The following TNN variants were observed in gnomAD, a reference collection of about 807,000 sequenced individuals.
TNN encodes the protein tenascin-N.
In TNN, 122 loss-of-function variants were observed where a neutral mutation model predicts 134.4. That is an observed-to-expected ratio of 0.91 (90% confidence interval 0.78 to 1.06). TNN has a LOEUF of 1.06. Ranked by LOEUF, TNN falls within the 50% of genes least tolerant of loss-of-function variation. The pLI is 0.00. For missense variants in TNN, 1,739 were observed against 1,699.4 expected, an observed-to-expected ratio of 1.02 and a Z score of -0.41; for synonymous variants, 710 against 670.3, an observed-to-expected ratio of 1.06 and a Z score of -0.91.
rs770260571 is a variant in TNN at position 175,135,882 on chromosome 1, T to G, written c.3368T>G (p.Phe1123Cys). 3 of 1,613,832 alleles carry G rather than the reference T, an allele frequency of 1.9e-6. No homozygotes were observed. The highest frequency in any genetic ancestry group is 1.3e-5 in the African/African-American group (1 of 74,886). Residue 1123 changes from phenylalanine (F) to cysteine (C), a missense_variant, in exon 16 of 19, where the codon TTC becomes TGC. Coordinates refer to ENST00000239462, the MANE Select transcript of TNN (RefSeq NM_022093.2). ...CGGAACACTGGGCAGCTGGATTTCT[T>G]CAAGCGATGGAGGAGCTATGTGGAA... ...QRRNTGQLDF[F>C]KRWRSYVEGF...
rs146254269 is a variant in TNN, at chr1:175,097,437, C to A, written c.1609C>A (p.Leu537Met). 48 of 1,614,106 alleles carry A rather than the reference C, an allele frequency of 3.0e-5. No individual in the cohort carries two copies. The African/African-American group carries it at 5.7e-4, about 19-fold the overall frequency. The change falls in exon 8 of 19, where the codon CTG (leucine) becomes ATG (methionine). Residue 537 changes from leucine (L) to methionine (M), a missense_variant. Physicochemically the swap from Leu to Met is conservative, Grantham distance 15 (BLOSUM62 2). Transcript: ENST00000239462. ...TAAAGAAATTGACAGCCCAGCAAACCTGGTGACTGACCGGGTGACTGAGAA... is the reference window on the plus strand; with the variant it reads ...TAAAGAAATTGACAGCCCAGCAAACATGGTGACTGACCGGGTGACTGAGAA... ...ALTEIDSPAN[L>M]VTDRVTENTA...
chr1:175,079,659 G>A lies in TNN; in HGVS notation c.736G>A (p.Gly246Ser). Residue 246 changes from glycine (G) to serine (S), a missense_variant, in exon 3 of 19, where the codon GGC becomes AGC. By Grantham distance (56) the Gly-to-Ser change is moderately conservative. Transcript: ENST00000239462. ...CAGCGGCCACGGCTTCTGTGACACG[G>A]GCGAGTGCTACTGCGAGGAGGGCTT... is the stretch of plus-strand genomic sequence containing the variant. ...DCSGHGFCDT[G>S]ECYCEEGFTG... 1 of 1,609,560 alleles carries A rather than the reference G, an allele frequency of 6.2e-7. No individual in the cohort carries two copies. The highest frequency in any genetic ancestry group is 1.1e-5 in the South Asian group (1 of 90,600).
At position 175,077,487 on chromosome 1, in the gene TNN, GGCCCCA is replaced by G; in HGVS notation, c.73_78del (p.Pro25_Ala26del). 1 of 1,613,628 alleles carries G rather than the reference GGCCCCA, an allele frequency of 6.2e-7. No individual in the cohort carries two copies. The highest frequency in any genetic ancestry group is 8.5e-7 in the Non-Finnish European group (1 of 1,180,002). ...TTGGCTCTGTGCTCCTGGTGGCTTC[GGCCCCA>G]GCCACTCTGGAGCCTCCCGGCTGCA... On this transcript the variant is annotated inframe_deletion, in exon 2 of 19. Coordinates refer to ENST00000239462, the MANE Select transcript of TNN (RefSeq NM_022093.2).
chr1:175,068,219 C>T (rs760052522), intron 1 of TNN, among the ~76,000 whole-genome samples: 1 of 152,252 alleles, frequency 6.6e-6, no homozygotes, highest in Middle Eastern at 3.4e-3. Flanking sequence ...CAGCTTCTAC[C>T]TGGCGTAACA....
At position 175,085,612 on chromosome 1, in the gene TNN, C is replaced by T. The variant is rs569479109; in HGVS notation, c.1324+118C>T. 2.4e-5 allele frequency: 18 copies of T among 743,260 alleles called. No homozygotes were observed. In the Middle Eastern group the frequency reaches 7.0e-4, roughly 29 times the overall value. The allele number at this position is 743,260 out of a possible 1,614,324, so 46.0% of individuals were successfully genotyped here. A position where few individuals can be genotyped will look rare whatever the true frequency, so the allele number is the denominator to read the frequency against. ...ATTTGCAGACAGACGGGGTGGCTCA[C>T]GCCTGTAATCCCAGCACTTTGGGAG... On this transcript the variant is annotated intron_variant, in intron 6 of 18. Transcript: ENST00000239462.
intron 6 of TNN, 93 bp from the exon 7 acceptor site, chr1:175,093,897 A>G: frequency 2.9e-6 from 4 of 1,365,666 alleles, no homozygotes; most frequent in Non-Finnish European, 4.0e-6. Context: ...CTATTGAACT[A>G]GGTCACCCAG....
At chr1:175,096,570 G>A (rs974819380) in intron 7 of TNN, among the ~76,000 whole-genome samples, 1 of 152,202 alleles carries the variant, frequency 6.6e-6, no homozygotes, top group African/African-American at 2.4e-5. Flanking sequence ...GTTTCTAAAA[G>A]AGGATAATAA....
At chr1:175,102,284 C>T (rs1674743241) in intron 9 of TNN, among the ~76,000 whole-genome samples, 1 of 146,392 alleles carries the variant, frequency 6.8e-6, no homozygotes, top group African/African-American at 2.5e-5. Context: ...GTCTGCCAGT[C>T]CCGCGCCATG....
chr1:175,137,680 G>A (rs1675848746), intron 17 of TNN, among the ~76,000 whole-genome samples: 1 of 152,096 alleles, frequency 6.6e-6, no homozygotes, highest in South Asian at 2.1e-4. Context: ...GGGGAGGTGT[G>A]GTCATTGTTT....
chr1:175,118,718 C>A lies in TNN; in HGVS notation c.2544C>A (p.Ser848Arg). 6.2e-7 allele frequency: 1 copy of A among 1,614,212 alleles called. No homozygotes were observed. Among genetic ancestry groups the A allele is most frequent in the Non-Finnish European group, 8.5e-7 (1 of 1,180,044 alleles). ...AGGTTCCAGTGGGGAAGGAGCAGAGCAGCACTGTCCTGACGGGCCTGAGGC... is the reference window on the plus strand; with the variant it reads ...AGGTTCCAGTGGGGAAGGAGCAGAGAAGCACTGTCCTGACGGGCCTGAGGC... ...TREVPVGKEQ[S>R]STVLTGLRPG... Residue 848 changes from serine (S) to arginine (R), a missense_variant, in exon 11 of 19, where the codon AGC becomes AGA. Transcript: ENST00000239462.
In TNN at chr1:175,147,070, G is replaced by C; in HGVS notation, c.3899G>C (p.Ter1300SerextTer4). Residue 1300 changes from the stop codon to serine (S), a stop_lost, in exon 19 of 19, where the codon TGA becomes TCA. Coordinates refer to ENST00000239462, the MANE Select transcript of TNN (RefSeq NM_022093.2). ...CTGAGAGGAAGGCTGCGAACGTTCT[G>C]ATGGCCCGTGTGAGCAGTCCTCGCA... ...RTLRGRLRTF[*>S] 6.4e-7 allele frequency: 1 copy of C among 1,574,246 alleles called. No individual in the cohort carries two copies. Among genetic ancestry groups the C allele is most frequent in the South Asian group, 1.2e-5 (1 of 86,306 alleles).
At chr1:175,116,381 CA>C (rs1312788984) in intron 9 of TNN, among the ~76,000 whole-genome samples, 1 of 152,154 alleles carries the variant, frequency 6.6e-6, no homozygotes, top group African/African-American at 2.4e-5. Context: ...TCTTGGTTTA[CA>C]GAGCTACTCA....
chr1:175,123,818 T>A (rs945145744), intron 12 of TNN, among the ~76,000 whole-genome samples, 155 bp downstream of exon 12: 1 of 151,376 alleles, frequency 6.6e-6, no homozygotes, highest in Admixed American at 6.6e-5. Context: ...GCTAATTAAG[T>A]TGACACAACA....
chr1:175,089,918 CT>C (rs1324240161), intron 6 of TNN, among the ~76,000 whole-genome samples: 1 of 152,156 alleles, frequency 6.6e-6, no homozygotes, highest in African/African-American at 2.4e-5. Flanking sequence ...TTGGAAACTC[CT>C]TCATGTCCTA....
rs1674072998 is a variant in TNN at position 175,077,517 on chromosome 1, C to T, written c.99C>T (p.Cys33=). 6.2e-7 allele frequency: 1 copy of T among 1,614,086 alleles called. No homozygotes were observed. The highest frequency in any genetic ancestry group is 2.2e-5 in the East Asian group (1 of 44,876). The change falls in exon 2 of 19, where the codon TGC becomes TGT. Residue 33 remains cysteine (C), a synonymous_variant. Transcript: ENST00000239462. ...SAPATLEPPG[C]SNKEQQVTVS... is the part of the protein sequence containing the mutation. ...CAGCCACTCTGGAGCCTCCCGGCTGCAGCAACAAGGAGCAACAGGTCACTG... is the reference window on the plus strand; with the variant it reads ...CAGCCACTCTGGAGCCTCCCGGCTGTAGCAACAAGGAGCAACAGGTCACTG...
chr1:175,072,381 T>A (rs1305112189), intron 1 of TNN, among the ~76,000 whole-genome samples: 1 of 152,212 alleles, frequency 6.6e-6, no homozygotes, highest in Non-Finnish European at 1.5e-5. Flanking sequence ...GTAAATGCCC[T>A]TCGCTTCATG....
At chr1:175,143,519 G>GTGTGTGTA (rs1491455701) in intron 17 of TNN, among the ~76,000 whole-genome samples, 1 of 1,038 alleles carries the variant, frequency 9.6e-4, no homozygotes, top group East Asian at 0.05. Context: ...TTGTGTGTAG[G>GTGTGTGTA]TGTGTGTGTG....
At chr1:175,135,977 G>GAGAAATCACCCCCCACA in intron 16 of TNN, 36 bp downstream of exon 16, 1 of 1,495,622 alleles carries the variant, frequency 6.7e-7, no homozygotes, top group Non-Finnish European at 9.3e-7. Context: ...GGGGCTGTGG[G>GAGAAATCACCCCCCACA]GGGTGATTTC....
intron 15 of TNN, among the ~76,000 whole-genome samples, chr1:175,129,736 A>C (rs146973795): frequency 1.4e-4 from 22 of 152,200 alleles, no homozygotes; most frequent in Admixed American, 5.9e-4. Flanking sequence ...CCAGATTTCA[A>C]AACTCCAGCC....
Sources: allele counts gnomAD v4.1 joint callset (sites outside exome capture counted in the v4.1 genomes callset), GRCh38; gene constraint gnomAD v4.1.1; transcripts MANE v1.5; gene names NCBI Gene and HGNC (gene_info 2026-07-23, HGNC 2026-07-21).